Variants in BRPF1 observed in about 807,000 individuals in gnomAD.
BRPF1 encodes the protein peregrin.
In BRPF1, 15 loss-of-function variants were observed where a neutral mutation model predicts 115.0. That is an observed-to-expected ratio of 0.13 (90% confidence interval 0.09 to 0.20). BRPF1 has a LOEUF of 0.20. Ranked by LOEUF, BRPF1 falls within the 10% of genes least tolerant of loss-of-function variation. The pLI, the probability that BRPF1 is intolerant of heterozygous loss-of-function variation, is 1.00. For missense variants in BRPF1, 1,118 were observed against 1,638.3 expected, an observed-to-expected ratio of 0.68 and a Z score of 5.48; for synonymous variants, 647 against 619.8, an observed-to-expected ratio of 1.04 and a Z score of -0.65.
At chr3:9,741,687 C>G (rs1257172883) in intron 5 of BRPF1, among the ~76,000 whole-genome samples, 2 of 151,718 alleles carry the variant, frequency 1.3e-5, no homozygotes, top group Non-Finnish European at 2.9e-5. Flanking sequence ...GTGTGTACCC[C>G]AGCCAGATAG....
intron 1 of BRPF1, among the ~76,000 whole-genome samples, chr3:9,733,929 G>A (rs2076896707): frequency 6.6e-6 from 1 of 152,176 alleles, no homozygotes; most frequent in Non-Finnish European, 1.5e-5. Context: ...TTGAGACATA[G>A]GGCAGGATAA....
At chr3:9,735,712 T>C (rs1283099867) in intron 2 of BRPF1, among the ~76,000 whole-genome samples, 8 of 152,194 alleles carry the variant, frequency 5.3e-5, no homozygotes, top group Non-Finnish European at 1.0e-4. Context: ...ATTTTTGTCA[T>C]TTAATTGTTT....
chr3:9,742,668 A>G, intron 6 of BRPF1: 1 of 586,188 alleles, frequency 1.7e-6, no homozygotes, highest in South Asian at 7.5e-5. Flanking sequence ...CTAAAGCCTC[A>G]TATAGTCTAG....
Position 9,739,464 on chromosome 3 carries a change from G to A in BRPF1, c.1065G>A (p.Leu355=). 1 of 1,613,970 alleles carries A rather than the reference G, an allele frequency of 6.2e-7. No individual in the cohort carries two copies. The highest frequency in any genetic ancestry group is 2.2e-5 in the East Asian group (1 of 44,852). ...GCTGGGCCCATGTGGTGTGTGCCTT[G>A]TGGATCCCTGAGGTCTGCTTCGCCA... ...DGRWAHVVCA[L]WIPEVCFANT... Residue 355 remains leucine (L), a synonymous_variant, in exon 3 of 14, where the codon TTG becomes TTA. Transcript: ENST00000383829.
At chr3:9,746,192 A>C (rs562902265) in intron 12 of BRPF1, 108 bp from the exon 13 acceptor site, 261 of 1,357,916 alleles carry the variant, frequency 1.9e-4, no homozygotes, top group Non-Finnish European at 2.4e-4. Context: ...TTCTAGTAGC[A>C]TGATACCCTC....
chr3:9,738,972 A>G (rs777168830), intron 2 of BRPF1, 27 bp from the exon 3 acceptor site: 1 of 1,524,654 alleles, frequency 6.6e-7, no homozygotes, highest in South Asian at 1.3e-5. Context: ...CAACCATGTG[A>G]TGCTGAGTTC....
chr3:9,747,015 C>T lies in BRPF1; in HGVS notation c.3480-151C>T. On this transcript the variant is annotated intron_variant, in intron 13 of 13. Transcript: ENST00000383829. The surrounding 1 kb of genome is among the most constrained non-coding windows in gnomAD (Gnocchi z 5.6). ...ATAACTGTTGACTGGGCTCTTTCATCTCTAGACCATGAACAGTCCTTTGAG... is the reference window on the plus strand; with the variant it reads ...ATAACTGTTGACTGGGCTCTTTCATTTCTAGACCATGAACAGTCCTTTGAG... 1.2e-6 allele frequency: 1 copy of T among 867,352 alleles called. No homozygotes were observed. Among genetic ancestry groups the T allele is most frequent in the South Asian group, 1.6e-5 (1 of 64,256 alleles). 53.7% of individuals were successfully genotyped at this position (867,352 alleles called of 1,614,324 possible).
chr3:9,739,510 A>G lies in BRPF1; in HGVS notation c.1111A>G (p.Ile371Val). Residue 371 changes from isoleucine (I) to valine (V), a missense_variant, in exon 3 of 14, where the codon ATT becomes GTT. Ile to Val is a conservative substitution (Grantham distance 29, BLOSUM62 3). Coordinates refer to ENST00000383829, the MANE Select transcript of BRPF1 (RefSeq NM_001003694.2). ...CFANTVFLEP[I>V]DSIEHIPPAR... ...CGCCAACACGGTCTTCCTAGAGCCTATTGACAGCATTGAGCACATCCCACC... is the reference window on the plus strand; with the variant it reads ...CGCCAACACGGTCTTCCTAGAGCCTGTTGACAGCATTGAGCACATCCCACC... The G allele has an allele frequency of 6.2e-7, 1 of 1,613,722 alleles. No homozygotes were observed. The highest frequency in any genetic ancestry group is 8.5e-7 in the Non-Finnish European group (1 of 1,179,676).
At chr3:9,744,722 C>G (rs575006805) in intron 9 of BRPF1, among the ~76,000 whole-genome samples, 3 of 152,352 alleles carry the variant, frequency 2.0e-5, no homozygotes, top group East Asian at 3.9e-4. Flanking sequence ...CCCCCTGCCT[C>G]CATTGTATCA....
chr3:9,744,291 CA>C lies in BRPF1; in HGVS notation c.2708del (p.Lys903ArgfsTer23). On this transcript the variant is annotated frameshift_variant, in exon 9 of 14. Transcript: ENST00000383829. LOFTEE classifies it high-confidence loss of function. ...VGRRTSVLFS[K>X]KNPKTAGPPK... ...GCAGGAGAACCTCAGTTCTGTTCTC[CA>C]AAAAGAACCCGAAGACAGCTGGACC... The C allele has an allele frequency of 1.2e-6, 2 of 1,611,422 alleles. No homozygotes were observed. Among genetic ancestry groups the C allele is most frequent in the Non-Finnish European group, 8.5e-7 (1 of 1,178,734 alleles).
At position 9,744,462 on chromosome 3, in the gene BRPF1, G is replaced by A. The variant is rs370008159; in HGVS notation, c.2874G>A (p.Ser958=). The change falls in exon 9 of 14, where the codon TCG becomes TCA. Residue 958 remains serine, a synonymous_variant. Coordinates refer to ENST00000383829, the MANE Select transcript of BRPF1 (RefSeq NM_001003694.2). ...GGGGTAGGAGCCCCCGGCCCAGTTC[G>A]AGCTCAGACAGCGACAGTGATAAGT... ...RKRGRSPRPS[S]SSDSDSDKST... is the part of the protein sequence containing the mutation. 13 of 1,581,640 alleles carry A rather than the reference G, an allele frequency of 8.2e-6. No individual in the cohort carries two copies. Among genetic ancestry groups the A allele is most frequent in the Middle Eastern group, 1.7e-4 (1 of 5,872 alleles).
Position 9,739,503 on chromosome 3 carries a change from A to C in BRPF1, c.1104A>C (p.Leu368=). 6.2e-7 allele frequency: 1 copy of C among 1,613,822 alleles called. No individual in the cohort carries two copies. Among genetic ancestry groups the C allele is most frequent in the Non-Finnish European group, 8.5e-7 (1 of 1,179,764 alleles). The part of the protein sequence containing the change: ...PEVCFANTVF[L]EPIDSIEHIP... ...TCTGCTTCGCCAACACGGTCTTCCT[A>C]GAGCCTATTGACAGCATTGAGCACA... The change falls in exon 3 of 14, where the codon CTA becomes CTC. Residue 368 remains leucine, a synonymous_variant. Transcript: ENST00000383829.
At chr3:9,737,918 T>C (rs2076968689) in intron 2 of BRPF1, among the ~76,000 whole-genome samples, 1 of 152,090 alleles carries the variant, frequency 6.6e-6, no homozygotes, top group African/African-American at 2.4e-5. Context: ...TCTTTGTGAG[T>C]GGGTAGTATT....
chr3:9,742,298 AACTGGAGCC>A, intron 6 of BRPF1, 127 bp downstream of exon 6: 1 of 1,509,138 alleles, frequency 6.6e-7, no homozygotes, highest in Admixed American at 2.2e-5. Flanking sequence ...GGGCAGGATG[AACTGGAGCC>A]ACATGTATCA....
chr3:9,735,480 G>A (rs1016428034), intron 2 of BRPF1, among the ~76,000 whole-genome samples: 7 of 152,066 alleles, frequency 4.6e-5, no homozygotes, highest in South Asian at 4.1e-4. Context: ...CCAAATTAAC[G>A]TGTGTTTTAA....
chr3:9,741,367 C>T lies in BRPF1; in HGVS notation c.1782C>T (p.Leu594=). The change falls in exon 5 of 14, where the codon CTC becomes CTT. Residue 594 remains leucine, a synonymous_variant. Coordinates refer to ENST00000383829, the MANE Select transcript of BRPF1 (RefSeq NM_001003694.2). ...AACAGCTCAAGTCCTGGCAGCGGCT[C>T]CGGCATGACTTGGAGCGAGCTCGGC... ...LKEQLKSWQR[L]RHDLERARLL... The T allele has an allele frequency of 6.2e-7, 1 of 1,609,418 alleles. No individual in the cohort carries two copies. Among genetic ancestry groups the T allele is most frequent in the Non-Finnish European group, 8.5e-7 (1 of 1,176,660 alleles).
intron 5 of BRPF1, among the ~76,000 whole-genome samples, 173 bp downstream of exon 5, chr3:9,741,612 G>A (rs977132571): frequency 2.7e-5 from 4 of 148,868 alleles, no homozygotes; most frequent in Admixed American, 6.8e-5. Flanking sequence ...ACTCCAGCCT[G>A]GGCGACAGAG....
chr3:9,744,727 G>A (rs181587122), intron 9 of BRPF1, among the ~76,000 whole-genome samples: 1 of 152,280 alleles, frequency 6.6e-6, no homozygotes, highest in East Asian at 1.9e-4. Context: ...TGCCTCCATT[G>A]TATCACTTTA....
At position 9,743,690 on chromosome 3, in the gene BRPF1, T is replaced by C. The variant is rs778919434; in HGVS notation, c.2424T>C (p.Ser808=). 3.1e-6 allele frequency: 5 copies of C among 1,613,898 alleles called. No homozygotes were observed. The South Asian group carries it at 5.5e-5, about 18-fold the overall frequency. Residue 808 remains serine (S), a synonymous_variant, in exon 8 of 14, where the codon AGT becomes AGC. Coordinates refer to ENST00000383829, the MANE Select transcript of BRPF1 (RefSeq NM_001003694.2). The surrounding 1 kb of genome is among the most constrained non-coding windows in gnomAD (Gnocchi z 6.1). ...RLDEVNASKQ[S]VGRSRRAKMI... ...ACGAAGTGAATGCCAGCAAGCAGAG[T>C]GTGGGCCGCTCACGGCGTGCAAAGA...
Sources: allele counts gnomAD v4.1 joint callset (sites outside exome capture counted in the v4.1 genomes callset), GRCh38; gene constraint gnomAD v4.1.1; non-coding constraint Gnocchi (gnomAD v3.1); transcripts MANE v1.5; gene names NCBI Gene and HGNC (gene_info 2026-07-23, HGNC 2026-07-21).